The following NIPA1 variants were observed in gnomAD, a reference collection of about 807,000 sequenced individuals.
NIPA1 encodes the protein magnesium transporter NIPA1.
Under a neutral mutation model 23.9 loss-of-function variants are expected in NIPA1, and 13 were observed. The ratio of observed to expected loss-of-function variants is 0.54; its 90% CI spans 0.35 to 0.87. The LOEUF (loss-of-function observed/expected upper bound fraction) is 0.87. Ranked by LOEUF, NIPA1 falls within the 40% of genes least tolerant of loss-of-function variation. NIPA1 has a pLI of 0.01. For synonymous variants in NIPA1, 234 were observed against 202.9 expected (o/e 1.15, Z -1.30); for missense variants, 362 against 429.7 (o/e 0.84, Z 1.39).
At position 22,812,197 on chromosome 15, in the gene NIPA1, C is replaced by T. The variant is rs779276894; in HGVS notation, c.261C>T (p.Tyr87=). 8 of 1,613,706 alleles carry T rather than the reference C, an allele frequency of 5.0e-6. No homozygotes were observed. The highest frequency in any genetic ancestry group is 6.8e-6 in the Non-Finnish European group (8 of 1,179,824). ...GCCAGATTGGAAACTTCCTGGCTTA[C>T]ACGGCGGTCCCCACGGTCCTGGTAA... ...AVGQIGNFLA[Y]TAVPTVLVTP... The change falls in exon 3 of 5, where the codon TAC becomes TAT. Residue 87 remains tyrosine (Y), a synonymous_variant. Transcript: ENST00000337435.
intron 1 of NIPA1, among the ~76,000 whole-genome samples, chr15:22,788,041 C>T (rs1446855598): frequency 6.6e-6 from 1 of 152,064 alleles, no homozygotes; most frequent in African/African-American, 2.4e-5. Context: ...ACACACACAC[C>T]GCAGCCACAC....
Position 22,825,597 on chromosome 15 carries a change from G to A in NIPA1, c.*1358G>A, listed in dbSNP as rs918165072. On this transcript the variant is annotated 3_prime_UTR_variant, in exon 5 of 5. Coordinates refer to ENST00000337435, the MANE Select transcript of NIPA1 (RefSeq NM_144599.5). ...ATAAATTAGGTAACTTGATAATAAG[G>A]CTAAGTGGGAGAGTACCTGTTCAAT... The A allele has an allele frequency of 6.6e-6, 1 of 152,148 alleles. No individual in the cohort carries two copies. The highest frequency in any genetic ancestry group is 1.5e-5 in the Non-Finnish European group (1 of 68,040). 9.4% of individuals were successfully genotyped at this position (152,148 alleles called of 1,614,324 possible). A position where few individuals can be genotyped will look rare whatever the true frequency, so the allele number is the denominator to read the frequency against.
chr15:22,786,970 G>A (rs1240565674), intron 1 of NIPA1, 136 bp downstream of exon 1: 6 of 443,744 alleles, frequency 1.4e-5, no homozygotes, highest in Non-Finnish European at 1.9e-5. Context: ...GGAAGGCTGC[G>A]CGGGCGGGTG....
At position 22,828,512 on chromosome 15, in the gene NIPA1, G is replaced by A. The variant is rs1895694347; in HGVS notation, c.*4273G>A. ...GAAAAGGTTCAGAATTACAGGAACAGCAGTGAGAATTTGGCCCACTACCAC... is the reference window on the plus strand; with the variant it reads ...GAAAAGGTTCAGAATTACAGGAACAACAGTGAGAATTTGGCCCACTACCAC... On this transcript the variant is annotated 3_prime_UTR_variant, in exon 5 of 5. Transcript: ENST00000337435. 1 of 152,536 alleles carries A rather than the reference G, an allele frequency of 6.6e-6. No individual in the cohort carries two copies. Among genetic ancestry groups the A allele is most frequent in the Admixed American group, 6.6e-5 (1 of 15,266 alleles). The allele number at this position is 152,536 out of a possible 1,614,324, so 9.4% of individuals were successfully genotyped here.
intron 1 of NIPA1, among the ~76,000 whole-genome samples, chr15:22,808,000 G>A (rs11853121): frequency 0.44 from 67,178 of 151,762 alleles, 19,936 homozygotes; most frequent in African/African-American, 0.83. Context: ...TGTGTTAGCC[G>A]GGATGGTCTC....
chr15:22,807,790 G>T (rs1421599816), intron 1 of NIPA1, among the ~76,000 whole-genome samples: 2 of 151,644 alleles, frequency 1.3e-5, no homozygotes, highest in East Asian at 3.9e-4. Flanking sequence ...ACTTGTGTGT[G>T]TGTGTGTGTG....
intron 3 of NIPA1, among the ~76,000 whole-genome samples, chr15:22,814,548 A>G (rs1895379025): frequency 6.6e-6 from 1 of 151,708 alleles, no homozygotes; most frequent in South Asian, 2.1e-4. Flanking sequence ...TGTTCTTGAT[A>G]ATGGGATGGG....
At chr15:22,809,576 C>T (rs2140865605) in intron 1 of NIPA1, among the ~76,000 whole-genome samples, 1 of 151,960 alleles carries the variant, frequency 6.6e-6, no homozygotes, top group South Asian at 2.1e-4. Context: ...GAAACCCCGT[C>T]TCTACTAAAA....
chr15:22,789,647 A>G (rs1362739599), intron 1 of NIPA1, among the ~76,000 whole-genome samples: 2 of 152,170 alleles, frequency 1.3e-5, no homozygotes, highest in East Asian at 3.8e-4. Flanking sequence ...TACACTAGGG[A>G]ACATTTCCGA....
At chr15:22,796,472 C>CT (rs1894939948) in intron 1 of NIPA1, among the ~76,000 whole-genome samples, 1 of 148,980 alleles carries the variant, frequency 6.7e-6, no homozygotes, top group South Asian at 2.1e-4. Context: ...CTTTTTTTTT[C>CT]TTTTTTCTTT....
At chr15:22,786,634 C>G (rs1894705473), upstream of NIPA1, 1 of 967,924 alleles carries the variant, frequency 1.0e-6, no homozygotes, top group Non-Finnish European at 1.2e-6. Flanking sequence ...CAGGCGCAGG[C>G]TCGGAGGGCG....
chr15:22,798,280 C>T (rs1350729937), intron 1 of NIPA1, among the ~76,000 whole-genome samples: 1 of 148,200 alleles, frequency 6.7e-6, no homozygotes, highest in Non-Finnish European at 1.5e-5. Context: ...CGCTCTGTCG[C>T]CCAGGCTGGA....
intron 1 of NIPA1, among the ~76,000 whole-genome samples, chr15:22,793,866 A>T (rs1053808248): frequency 6.6e-6 from 1 of 152,114 alleles, no homozygotes; most frequent in African/African-American, 2.4e-5. Context: ...TTTGTTGAGG[A>T]TCAATGGGAG....
At chr15:22,795,606 C>G (rs1043141077) in intron 1 of NIPA1, among the ~76,000 whole-genome samples, 1 of 152,172 alleles carries the variant, frequency 6.6e-6, no homozygotes, top group Non-Finnish European at 1.5e-5. Flanking sequence ...GAAGCCAGAC[C>G]CCTTCCATGG....
intron 1 of NIPA1, among the ~76,000 whole-genome samples, chr15:22,805,999 C>T (rs924484984): frequency 6.6e-6 from 1 of 152,106 alleles, no homozygotes; most frequent in African/African-American, 2.4e-5. Context: ...TCTCGGCTCA[C>T]TGCAAGCTCC....
In NIPA1 at chr15:22,829,502, CTA is replaced by C. The variant is rs1377763896; in HGVS notation, c.*5265_*5266del. On this transcript the variant is annotated 3_prime_UTR_variant, in exon 5 of 5. Transcript: ENST00000337435. ...AGCGTTTTGCCTTTTCAAAGGATAA[CTA>C]TTATTTTCTTGAAAATGGAATATAA... The C allele has an allele frequency of 2.0e-5, 3 of 152,298 alleles. No homozygotes were observed. The highest frequency in any genetic ancestry group is 1.3e-4 in the Admixed American group (2 of 15,274). 9.4% of individuals were successfully genotyped at this position (152,298 alleles called of 1,614,324 possible).
intron 1 of NIPA1, among the ~76,000 whole-genome samples, chr15:22,791,579 G>A (rs1894828336): frequency 7.1e-6 from 1 of 140,086 alleles, no homozygotes; most frequent in African/African-American, 2.7e-5. Context: ...TGCTTCCCAG[G>A]TTCAAGCGAT....
chr15:22,799,781 CAAAA>C (rs746610642), intron 1 of NIPA1, among the ~76,000 whole-genome samples: 2 of 104,182 alleles, frequency 1.9e-5, no homozygotes, highest in African/African-American at 3.4e-5. Context: ...GACTCTGTCT[CAAAA>C]AAAAAAAAAA....
intron 3 of NIPA1, 97 bp downstream of exon 3, chr15:22,812,350 T>A: frequency 1.1e-6 from 1 of 884,258 alleles, no homozygotes; most frequent in Non-Finnish European, 1.8e-6. Context: ...AGCAAAATTG[T>A]AATAGAAGAT....
Sources: allele counts gnomAD v4.1 joint callset (sites outside exome capture counted in the v4.1 genomes callset), GRCh38; gene constraint gnomAD v4.1.1; transcripts MANE v1.5; gene names NCBI Gene and HGNC (gene_info 2026-07-23, HGNC 2026-07-21).